C2CD5: variants seen among roughly 807,000 people sequenced by gnomAD.
C2CD5 encodes C2 domain-containing protein 5.
A neutral mutation model predicts 130.3 loss-of-function variants in C2CD5; 109 were observed. The observed-to-expected ratio is 0.84, with a 90% confidence interval of 0.72 to 0.98. The LOEUF is 0.98. Among genes scored for constraint, C2CD5 ranks in the 50% least tolerant of loss-of-function variants. The pLI is 0.00. For synonymous variants in C2CD5, 454 were observed against 429.2 expected (o/e 1.06, Z -0.71); for missense variants, 996 against 1,261.8 (o/e 0.79, Z 3.19).
At chr12:22,497,907 T>TACACACACAC (rs3063916) in intron 10 of C2CD5, among the ~76,000 whole-genome samples, 79 of 145,728 alleles carry the variant, frequency 5.4e-4, no homozygotes, top group South Asian at 4.0e-3. Flanking sequence ...TGCACACACA[T>TACACACACAC]ACACACACAC....
Position 22,458,567 on chromosome 12 carries a change from C to T in C2CD5, c.2603G>A (p.Ser868Asn). Residue 868 changes from serine to asparagine, a missense_variant, in exon 24 of 27, where the codon AGT (serine) becomes AAT (asparagine). Ser to Asn is a conservative substitution (Grantham distance 46). Transcript: ENST00000446597. ...GCTGCTGCATCTGTCTGCAAAGGAA[C>T]TGTAATCAACTGACGTTGCTGAAAA... Reference protein sequence around the residue: ...AAQRATSVDYSSFADRCSSWI... With the variant: ...AAQRATSVDYNSFADRCSSWI... The T allele has an allele frequency of 7.8e-7, 1 of 1,279,492 alleles. No homozygotes were observed. 79.3% of individuals were successfully genotyped at this position (1,279,492 alleles called of 1,614,324 possible).
intron 10 of C2CD5, among the ~76,000 whole-genome samples, chr12:22,497,378 T>C (rs906482718): frequency 3.3e-5 from 5 of 151,964 alleles, no homozygotes; most frequent in African/African-American, 9.7e-5. Context: ...ATTCTATGCA[T>C]GTAACAAAAT....
chr12:22,467,480 G>A (rs1942277653), intron 22 of C2CD5, among the ~76,000 whole-genome samples: 1 of 152,120 alleles, frequency 6.6e-6, no homozygotes, highest in South Asian at 2.1e-4. Flanking sequence ...TGTGACCTTG[G>A]GGTCTAATTT....
At chr12:22,534,330 T>C (rs1261975243) in intron 3 of C2CD5, among the ~76,000 whole-genome samples, 9 of 152,208 alleles carry the variant, frequency 5.9e-5, no homozygotes, top group Admixed American at 5.9e-4. Flanking sequence ...ACCTTAGAGT[T>C]GACAATGGAT....
In C2CD5 at chr12:22,459,555, T is replaced by A; in HGVS notation, c.2534-13A>T. On this transcript the variant is annotated splice_polypyrimidine_tract_variant and intron_variant, in intron 22 of 26. Transcript: ENST00000446597. ...CTCTCCAGGTGTTCTAATAAGACAATATGAACAACATTAGCTCAGATGCTA... is the reference window on the plus strand; with the variant it reads ...CTCTCCAGGTGTTCTAATAAGACAAAATGAACAACATTAGCTCAGATGCTA... The A allele has an allele frequency of 6.6e-7, 1 of 1,506,994 alleles. No homozygotes were observed. Among genetic ancestry groups the A allele is most frequent in the Non-Finnish European group, 8.9e-7 (1 of 1,120,672 alleles). 93.4% of individuals were successfully genotyped at this position (1,506,994 alleles called of 1,614,324 possible).
At chr12:22,489,095 C>G (rs1591814862) in intron 12 of C2CD5, among the ~76,000 whole-genome samples, 1 of 151,768 alleles carries the variant, frequency 6.6e-6, no homozygotes, top group Non-Finnish European at 1.5e-5. Flanking sequence ...AGGCTGGTCT[C>G]AAACTCCTGA....
At chr12:22,498,583 G>A (rs944587407) in intron 10 of C2CD5, among the ~76,000 whole-genome samples, 1 of 152,018 alleles carries the variant, frequency 6.6e-6, no homozygotes, top group African/African-American at 2.4e-5. Context: ...CTATAATTCT[G>A]ATGGCAAACA....
At chr12:22,496,334 T>A (rs965377763) in intron 10 of C2CD5, among the ~76,000 whole-genome samples, 1 of 152,016 alleles carries the variant, frequency 6.6e-6, no homozygotes, top group Non-Finnish European at 1.5e-5. Flanking sequence ...TGTTTTCCTA[T>A]AAGAAACACA....
chr12:22,500,398 A>T (rs563179825), intron 10 of C2CD5, among the ~76,000 whole-genome samples: 32 of 152,346 alleles, frequency 2.1e-4, no homozygotes, highest in African/African-American at 7.7e-4. Flanking sequence ...AACCACACTC[A>T]AAGTATGCAT....
intron 22 of C2CD5, among the ~76,000 whole-genome samples, chr12:22,468,448 A>G (rs1192316673): frequency 1.3e-5 from 2 of 152,058 alleles, no homozygotes; most frequent in African/African-American, 4.8e-5. Flanking sequence ...AAGCTCCTGG[A>G]TTCAAGCGAT....
chr12:22,487,136 T>C (rs1231263735), intron 12 of C2CD5, among the ~76,000 whole-genome samples: 6 of 152,174 alleles, frequency 3.9e-5, no homozygotes, highest in African/African-American at 9.7e-5. Context: ...ATTCAGGACA[T>C]AGGCATGGAC....
intron 4 of C2CD5, among the ~76,000 whole-genome samples, chr12:22,526,622 A>C (rs1288431229): frequency 6.6e-6 from 1 of 152,178 alleles, no homozygotes; most frequent in Non-Finnish European, 1.5e-5. Flanking sequence ...CTGTAATCTC[A>C]GTGCTTTGGG....
intron 15 of C2CD5, 97 bp from the exon 16 acceptor site, chr12:22,474,988 AG>A (rs1349364343): frequency 2.7e-6 from 2 of 745,412 alleles, no homozygotes; most frequent in African/African-American, 3.7e-5. Context: ...GTGGAGAAAA[AG>A]CCTGTAAAAT....
At chr12:22,470,370 G>A (rs967766925) in intron 21 of C2CD5, among the ~76,000 whole-genome samples, 1 of 152,054 alleles carries the variant, frequency 6.6e-6, no homozygotes, top group African/African-American at 2.4e-5. Context: ...GATTTCTTCA[G>A]AATATATATT....
chr12:22,516,345 C>T (rs1380917781), intron 8 of C2CD5, among the ~76,000 whole-genome samples: 5 of 151,288 alleles, frequency 3.3e-5, no homozygotes, highest in South Asian at 2.1e-4. Context: ...CTGAAAACTG[C>T]TAATATTATA....
At chr12:22,525,086 T>G (rs1452860038) in intron 5 of C2CD5, among the ~76,000 whole-genome samples, 2 of 152,216 alleles carry the variant, frequency 1.3e-5, no homozygotes, top group Non-Finnish European at 1.5e-5. Flanking sequence ...CTTTCTGACA[T>G]AACCTGAGGA....
rs537795057 is a variant in C2CD5 at position 22,452,125 on chromosome 12, C to T, written c.3024+1771G>A. 2.6e-5 allele frequency among the ~76,000 whole-genome samples: 4 copies of T among 152,210 alleles called. No homozygotes were observed. In the South Asian group the frequency reaches 8.3e-4, roughly 32 times the overall value. ...AAAACCCAAAACTACAAATCTCAAT[C>T]TCAAATACAAAGTAATTAAGCAAAA... On this transcript the variant is annotated intron_variant, in intron 26 of 26. Transcript: ENST00000446597.
At chr12:22,521,163 A>G (rs1950234284) in intron 7 of C2CD5, among the ~76,000 whole-genome samples, 1 of 152,172 alleles carries the variant, frequency 6.6e-6, no homozygotes, top group African/African-American at 2.4e-5. Flanking sequence ...AATCAGCTGA[A>G]TCATAAAATA....
At chr12:22,531,764 AAC>A (rs1196940066) in intron 3 of C2CD5, among the ~76,000 whole-genome samples, 7 of 152,238 alleles carry the variant, frequency 4.6e-5, no homozygotes, top group Non-Finnish European at 8.8e-5. Flanking sequence ...AATTTTGAGA[AAC>A]ACAGTTATAT....
Sources: gnomAD v4.1 joint callset for allele counts (sites outside exome capture counted in the v4.1 genomes callset) on GRCh38, gnomAD v4.1.1 for gene constraint, MANE v1.5 for transcripts, NCBI Gene and HGNC (gene_info 2026-07-23, HGNC 2026-07-21) for gene names.